The following LRRTM3 variants were observed in gnomAD, a reference collection of about 807,000 sequenced individuals.
The protein encoded by LRRTM3 is leucine-rich repeat transmembrane neuronal protein 3.
In LRRTM3, 24 loss-of-function variants were observed where a neutral mutation model predicts 44.7. The observed-to-expected ratio is 0.54, with a 90% confidence interval of 0.39 to 0.76. The LOEUF (loss-of-function observed/expected upper bound fraction) is 0.76. Among genes scored for constraint, LRRTM3 ranks in the 30% least tolerant of loss-of-function variants. LRRTM3 has a pLI of 0.00. For missense variants in LRRTM3, 587 were observed against 702.2 expected, an observed-to-expected ratio of 0.84 and a Z score of 1.85; for synonymous variants, 277 against 278.7, an observed-to-expected ratio of 0.99 and a Z score of 0.06.
At chr10:67,074,879 A>G (rs949306566) in intron 2 of LRRTM3, among the ~76,000 whole-genome samples, 6 of 152,186 alleles carry the variant, frequency 3.9e-5, no homozygotes, top group Non-Finnish European at 7.3e-5. Context: ...CACATTTGAG[A>G]ATCAAGCTAC....
chr10:67,035,319 A>G lies in LRRTM3; in HGVS notation c.1537-62268A>G, dbSNP rs1299316138. 4.6e-5 allele frequency among the ~76,000 whole-genome samples: 7 copies of G among 152,208 alleles called. No individual in the cohort carries two copies. In the East Asian group the frequency reaches 9.6e-4, roughly 21 times the overall value. ...AATTGCATATAACATCATCATATTT[A>G]CTGTTGTCAAAATATAATGTTGAGA... is the stretch of plus-strand genomic sequence containing the variant. On this transcript the variant is annotated intron_variant, in intron 2 of 2. Coordinates refer to ENST00000361320, the MANE Select transcript of LRRTM3 (RefSeq NM_178011.5).
chr10:67,091,627 G>A (rs567416301), intron 2 of LRRTM3, among the ~76,000 whole-genome samples: 5 of 152,120 alleles, frequency 3.3e-5, no homozygotes, highest in African/African-American at 1.2e-4. Context: ...ACAGATTAGG[G>A]AGACCAGTCA....
chr10:67,021,912 G>A (rs1589616140), intron 2 of LRRTM3, among the ~76,000 whole-genome samples: 1 of 152,154 alleles, frequency 6.6e-6, no homozygotes, highest in East Asian at 1.9e-4. Context: ...CAGACTTAGA[G>A]GCTGAGAGCC....
intron 2 of LRRTM3, among the ~76,000 whole-genome samples, chr10:66,940,626 T>G (rs1313486148): frequency 6.6e-6 from 1 of 152,216 alleles, no homozygotes; most frequent in Non-Finnish European, 1.5e-5. Context: ...CAAATTATAT[T>G]TCCAGAGGTC....
At position 66,926,950 on chromosome 10, in the gene LRRTM3, T is replaced by C; in HGVS notation, c.34T>C (p.Ser12Pro). Residue 12 changes from serine (S) to proline (P), a missense_variant, in exon 2 of 3, where the codon TCA (serine) becomes CCA (proline). By Grantham distance (74) the Ser-to-Pro change is moderately conservative. Coordinates refer to ENST00000361320, the MANE Select transcript of LRRTM3 (RefSeq NM_178011.5). ...CAATGTAATTAGGCTACTGAGCGGA[T>C]CAGCTGTAGCACTGGTTATAGCCCC... The part of the protein sequence containing the change: ...GFNVIRLLSG[S>P]AVALVIAPTV... The C allele has an allele frequency of 6.2e-7, 1 of 1,605,214 alleles. No individual in the cohort carries two copies. Among genetic ancestry groups the C allele is most frequent in the Non-Finnish European group, 8.5e-7 (1 of 1,175,850 alleles).
At chr10:66,996,603 G>C (rs940197577) in intron 2 of LRRTM3, among the ~76,000 whole-genome samples, 1 of 123,696 alleles carries the variant, frequency 8.1e-6, no homozygotes, top group Non-Finnish European at 1.6e-5. Context: ...GGTCAAGATC[G>C]CACCACTGCA....
intron 2 of LRRTM3, among the ~76,000 whole-genome samples, chr10:67,066,723 T>G (rs1856115384): frequency 1.3e-5 from 2 of 152,154 alleles, no homozygotes; most frequent in Admixed American, 1.3e-4. Flanking sequence ...CCTTCTACTC[T>G]TTATATTCTT....
rs115393043 is a variant in LRRTM3 at position 67,101,525 on chromosome 10, A to C, written c.*3729A>C. Among the ~76,000 whole-genome samples the C allele has an allele frequency of 0.018, 2,667 of 151,868 alleles. 84 individuals carry two copies. Among genetic ancestry groups the C allele is most frequent in the East Asian group, 0.12 (594 of 5,158 alleles). Reference sequence around the variant, plus strand: ...GAACCTAAAACATATGCTAACTTGCAAATAATATATTTTACTGATCAACTC... The same window carrying C: ...GAACCTAAAACATATGCTAACTTGCCAATAATATATTTTACTGATCAACTC... On this transcript the variant is annotated 3_prime_UTR_variant, in exon 3 of 3. Coordinates refer to ENST00000361320, the MANE Select transcript of LRRTM3 (RefSeq NM_178011.5).
intron 2 of LRRTM3, among the ~76,000 whole-genome samples, chr10:67,017,485 T>A (rs536021130): frequency 1.3e-5 from 2 of 152,296 alleles, no homozygotes; most frequent in African/African-American, 4.8e-5. Flanking sequence ...CATGCTGGCA[T>A]CCACAATCTA....
At chr10:66,946,538 C>G (rs1196826807) in intron 2 of LRRTM3, among the ~76,000 whole-genome samples, 1 of 152,084 alleles carries the variant, frequency 6.6e-6, no homozygotes, top group African/African-American at 2.4e-5. Context: ...TCTAGTTCTT[C>G]CAATCACTAT....
intron 2 of LRRTM3, among the ~76,000 whole-genome samples, chr10:66,968,521 TAAA>T: frequency 6.6e-6 from 1 of 151,850 alleles, no homozygotes; most frequent in East Asian, 1.9e-4. Flanking sequence ...AGTTCATATC[TAAA>T]AAAACGTGGT....
chr10:67,005,966 G>A (rs768668114), intron 2 of LRRTM3, among the ~76,000 whole-genome samples: 4 of 151,794 alleles, frequency 2.6e-5, no homozygotes, highest in African/African-American at 7.3e-5. Context: ...GATTACAAGC[G>A]TGAGCCATCG....
chr10:67,084,891 A>C (rs1485593116), intron 2 of LRRTM3, among the ~76,000 whole-genome samples: 1 of 151,908 alleles, frequency 6.6e-6, no homozygotes, highest in Non-Finnish European at 1.5e-5. Context: ...TAATAATAAG[A>C]AAACCAGTTT....
At chr10:66,991,877 A>AAT (rs1403390232) in intron 2 of LRRTM3, among the ~76,000 whole-genome samples, 3 of 152,260 alleles carry the variant, frequency 2.0e-5, no homozygotes, top group South Asian at 4.2e-4. Flanking sequence ...TTTTATACCA[A>AAT]AGAAATCTCA....
In LRRTM3 at chr10:66,927,025, G is replaced by A. The variant is rs377040735; in HGVS notation, c.109G>A (p.Gly37Ser). Residue 37 changes from glycine (G) to serine (S), a missense_variant, in exon 2 of 3, where the codon GGC becomes AGC. Gly to Ser is a moderately conservative substitution (Grantham distance 56). Around this residue, in one of 3 missense-constraint regions of LRRTM3, gnomAD observed 50 missense variants for 43.4 expected, o/e 1.15. Transcript: ENST00000361320. This position sits in a 1 kb window ranked among gnomAD's most constrained non-coding sequence, Gnocchi z 4.7. ...TTCTGCCGAACGAGGATGCCCTAAGGGCTGTAGGTGTGAAGGCAAAATGGT... is the reference window on the plus strand; with the variant it reads ...TTCTGCCGAACGAGGATGCCCTAAGAGCTGTAGGTGTGAAGGCAAAATGGT... ...LSSAERGCPK[G>S]CRCEGKMVYC... 6.2e-7 allele frequency: 1 copy of A among 1,614,070 alleles called. No homozygotes were observed. Among genetic ancestry groups the A allele is most frequent in the Non-Finnish European group, 8.5e-7 (1 of 1,180,024 alleles).
At chr10:66,972,770 GT>G (rs954519909) in intron 2 of LRRTM3, among the ~76,000 whole-genome samples, 1 of 143,744 alleles carries the variant, frequency 7.0e-6, no homozygotes, top group Non-Finnish European at 1.5e-5. Context: ...GAGTGCAATG[GT>G]GCAATCTCGG....
intron 2 of LRRTM3, among the ~76,000 whole-genome samples, chr10:67,039,617 G>A (rs981762473): frequency 2.0e-5 from 3 of 152,030 alleles, no homozygotes; most frequent in Non-Finnish European, 4.4e-5. Flanking sequence ...ATATCTAGAG[G>A]TTAGAGGTGA....
At chr10:67,087,590 A>C (rs1857376251) in intron 2 of LRRTM3, among the ~76,000 whole-genome samples, 1 of 151,954 alleles carries the variant, frequency 6.6e-6, no homozygotes, top group Non-Finnish European at 1.5e-5. Flanking sequence ...AAATAGTTAA[A>C]ATCAAATAAA....
intron 2 of LRRTM3, among the ~76,000 whole-genome samples, chr10:67,033,802 ACT>A (rs1052735038): frequency 6.6e-6 from 1 of 151,948 alleles, no homozygotes; most frequent in African/African-American, 2.4e-5. Context: ...ACGAAGTCTC[ACT>A]CTGTCGCCCA....
Sources: allele counts gnomAD v4.1 joint callset (sites outside exome capture counted in the v4.1 genomes callset), GRCh38; gene constraint gnomAD v4.1.1; regional missense constraint gnomAD v4.1.1; non-coding constraint Gnocchi (gnomAD v3.1); transcripts MANE v1.5; gene names NCBI Gene and HGNC (gene_info 2026-07-23, HGNC 2026-07-21).